The following KCNS2 variants were observed in gnomAD, a reference collection of about 807,000 sequenced individuals.
The protein encoded by KCNS2 is delayed-rectifier potassium channel regulatory subunit KCNS2.
A neutral mutation model predicts 28.3 loss-of-function variants in KCNS2; 15 were observed. The ratio of observed to expected loss-of-function variants is 0.53; its 90% CI spans 0.35 to 0.82. KCNS2 has a LOEUF of 0.82. KCNS2 is among the 40% of genes least tolerant of loss of function. The pLI is 0.01. For missense variants in KCNS2, 501 were observed against 617.1 expected (o/e 0.81, Z 1.99); for synonymous variants, 254 against 256.7 (o/e 0.99, Z 0.10).
chr8:98,429,352 G>A lies in KCNS2; in HGVS notation c.1373G>A (p.Ser458Asn), dbSNP rs1211054710. ...YAHKVKSLMASLTNMSRSSPS... is the reference protein window; with the variant it reads ...YAHKVKSLMANLTNMSRSSPS... ...CATAAAGTTAAATCCCTTATGGCAA[G>A]CCTGACGAACATGAGCAGGAGCTCA... Residue 458 changes from serine to asparagine, a missense_variant, in exon 2 of 2, where the codon AGC becomes AAC. By Grantham distance (46) the Ser-to-Asn change is conservative. Transcript: ENST00000287042. 2 of 1,614,146 alleles carry A rather than the reference G, an allele frequency of 1.2e-6. No individual in the cohort carries two copies. Among genetic ancestry groups the A allele is most frequent in the Non-Finnish European group, 1.7e-6 (2 of 1,180,006 alleles).
chr8:98,427,660 GTCA>G (rs1021905918), intron 1 of KCNS2: 1 of 229,928 alleles, frequency 4.3e-6, no homozygotes, highest in African/African-American at 2.3e-5. Context: ...CATGGACAAG[GTCA>G]GCATGCAGCC....
rs902048317 is a variant in KCNS2, at chr8:98,427,889, C to T, written c.-42-49C>T. 31 of 1,184,226 alleles carry T rather than the reference C, an allele frequency of 2.6e-5. 1 individual carries two copies. In the East Asian group the frequency reaches 7.5e-4, roughly 29 times the overall value. The allele number at this position is 1,184,226 out of a possible 1,614,324, so 73.4% of individuals were successfully genotyped here. ...CAGTAATGGGTAGGGAGAGGGGGCC[C>T]CGCCAGGGCGCACGGCGCTCTCGCC... On this transcript the variant is annotated intron_variant, in intron 1 of 1. Transcript: ENST00000287042.
chr8:98,429,442 C>A lies in KCNS2; in HGVS notation c.*29C>A. The A allele has an allele frequency of 6.7e-7, 1 of 1,495,316 alleles. No individual in the cohort carries two copies. The allele number at this position is 1,495,316 out of a possible 1,614,324, so 92.6% of individuals were successfully genotyped here. A position where few individuals can be genotyped will look rare whatever the true frequency, so the allele number is the denominator to read the frequency against. ...GGAGGACTTGTCACCCTCCACCCCA[C>A]ATTGCTGAGCTGCCTCTTGTGCCTC... On this transcript the variant is annotated 3_prime_UTR_variant, in exon 2 of 2. Coordinates refer to ENST00000287042, the MANE Select transcript of KCNS2 (RefSeq NM_020697.4).
Position 98,428,949 on chromosome 8 carries a change from T to A in KCNS2, c.970T>A (p.Tyr324Asn). 1 of 1,614,096 alleles carries A rather than the reference T, an allele frequency of 6.2e-7. No homozygotes were observed. Among genetic ancestry groups the A allele is most frequent in the Non-Finnish European group, 8.5e-7 (1 of 1,180,014 alleles). Residue 324 changes from tyrosine (Y) to asparagine (N), a missense_variant, in exon 2 of 2, where the codon TAC becomes AAC. Physicochemically the swap from Tyr to Asn is moderately radical, Grantham distance 143 (BLOSUM62 -2). Coordinates refer to ENST00000287042, the MANE Select transcript of KCNS2 (RefSeq NM_020697.4). The surrounding 1 kb of genome is among the most constrained non-coding windows in gnomAD (Gnocchi z 6.7). ...GLRSLGATLK[Y>N]SYKEVGLLLL... ...CCGCTCCCTGGGGGCCACTTTGAAA[T>A]ACAGCTACAAAGAAGTAGGGCTGCT...
rs1008538026 is a variant in KCNS2, at chr8:98,431,194, T to C, written c.*1781T>C. On this transcript the variant is annotated 3_prime_UTR_variant, in exon 2 of 2. Transcript: ENST00000287042. ...GTGGCAAGGATCTTATCAGAAGGCT[T>C]TGTGTTCTTGTAGTTGTCATGGCTA... is the stretch of plus-strand genomic sequence containing the variant. 16 of 167,090 alleles carry C rather than the reference T, an allele frequency of 9.6e-5. No individual in the cohort carries two copies. Among genetic ancestry groups the C allele is most frequent in the Admixed American group, 3.3e-4 (5 of 15,286 alleles). 10.4% of individuals were successfully genotyped at this position (167,090 alleles called of 1,614,324 possible). A position where few individuals can be genotyped will look rare whatever the true frequency, so the allele number is the denominator to read the frequency against.
Position 98,429,005 on chromosome 8 carries a change from C to T in KCNS2, c.1026C>T (p.Ile342=), listed in dbSNP as rs754681380. ...TCTACCTCTCCGTGGGGATTTCCAT[C>T]TTCTCCGTGGTGGCCTACACCATTG... ...LLLYLSVGIS[I]FSVVAYTIEK... Residue 342 remains isoleucine, a synonymous_variant, in exon 2 of 2, where the codon ATC becomes ATT. Transcript: ENST00000287042. 1.9e-6 allele frequency: 3 copies of T among 1,614,148 alleles called. No homozygotes were observed. Among genetic ancestry groups the T allele is most frequent in the South Asian group, 1.1e-5 (1 of 91,070 alleles).
chr8:98,429,111 G>A lies in KCNS2; in HGVS notation c.1132G>A (p.Gly378Arg), dbSNP rs374343304. The change falls in exon 2 of 2, where the codon GGG becomes AGG. Residue 378 changes from glycine to arginine, a missense_variant. Transcript: ENST00000287042. Reference sequence around the variant, plus strand: ...CGTCAGTATGACCACAGTGGGGTACGGGGATGTGGTCCCAGGGACCACGGC... The same window carrying A: ...CGTCAGTATGACCACAGTGGGGTACAGGGATGTGGTCCCAGGGACCACGGC... Reference protein sequence around the residue: ...ATVSMTTVGYGDVVPGTTAGK... With the variant: ...ATVSMTTVGYRDVVPGTTAGK... 9 of 1,613,342 alleles carry A rather than the reference G, an allele frequency of 5.6e-6. No homozygotes were observed. Among genetic ancestry groups the A allele is most frequent in the African/African-American group, 1.3e-5 (1 of 74,894 alleles).
In KCNS2 at chr8:98,428,987, C is replaced by G. The variant is rs750393740; in HGVS notation, c.1008C>G (p.Leu336=). 5.6e-6 allele frequency: 9 copies of G among 1,614,058 alleles called. No individual in the cohort carries two copies. The African/African-American group carries it at 1.2e-4, about 22-fold the overall frequency. The change falls in exon 2 of 2, where the codon CTC becomes CTG. Residue 336 remains leucine, a synonymous_variant. Transcript: ENST00000287042. The surrounding 1 kb of genome is among the most constrained non-coding windows in gnomAD (Gnocchi z 6.7). The stretch of plus-strand genomic sequence containing the variant: ...AAGTAGGGCTGCTCTTGCTCTACCT[C>G]TCCGTGGGGATTTCCATCTTCTCCG... The part of the protein sequence containing the change: ...YKEVGLLLLY[L]SVGISIFSVV...
rs1038567245 is a variant in KCNS2 at position 98,428,858 on chromosome 8, G to A, written c.879G>A (p.Val293=). 6.8e-6 allele frequency: 11 copies of A among 1,614,084 alleles called. No individual in the cohort carries two copies. The highest frequency in any genetic ancestry group is 6.7e-5 in the Admixed American group (4 of 60,008). The change falls in exon 2 of 2, where the codon GTG becomes GTA. Residue 293 remains valine (V), a synonymous_variant. Coordinates refer to ENST00000287042, the MANE Select transcript of KCNS2 (RefSeq NM_020697.4). This position sits in a 1 kb window ranked among gnomAD's most constrained non-coding sequence, Gnocchi z 6.7. The part of the protein sequence containing the change: ...STPTLANLGR[V]AQVLRLMRIF... The stretch of plus-strand genomic sequence containing the variant: ...CTACTTTAGCCAACTTGGGCAGGGT[G>A]GCCCAGGTCCTGAGGCTGATGCGGA...
rs939385833 is a variant in KCNS2 at position 98,430,912 on chromosome 8, C to G, written c.*1499C>G. ...CCTCCTCCAAAATGCTCCTGCTCCT[C>G]TTGTTCGGTTAACCAGCACATAACA... On this transcript the variant is annotated 3_prime_UTR_variant, in exon 2 of 2. Coordinates refer to ENST00000287042, the MANE Select transcript of KCNS2 (RefSeq NM_020697.4). The G allele has an allele frequency of 6.0e-6, 1 of 167,148 alleles. No individual in the cohort carries two copies. The highest frequency in any genetic ancestry group is 1.5e-5 in the Non-Finnish European group (1 of 68,134). The allele number at this position is 167,148 out of a possible 1,614,324, so 10.4% of individuals were successfully genotyped here.
chr8:98,428,282 C>G lies in KCNS2; in HGVS notation c.303C>G (p.Phe101Leu), dbSNP rs1563599710. ...HVMAELCVFS[F>L]SQEIEYWGIN... is the part of the protein sequence containing the mutation. ...TGGCTGAGCTATGTGTCTTCTCCTT[C>G]AGCCAGGAGATCGAGTACTGGGGCA... is the stretch of plus-strand genomic sequence containing the variant. Residue 101 changes from phenylalanine (F) to leucine (L), a missense_variant, in exon 2 of 2, where the codon TTC (phenylalanine) becomes TTG (leucine). Physicochemically the swap from Phe to Leu is conservative, Grantham distance 22. Coordinates refer to ENST00000287042, the MANE Select transcript of KCNS2 (RefSeq NM_020697.4). The surrounding 1 kb of genome is among the most constrained non-coding windows in gnomAD (Gnocchi z 6.7). The G allele has an allele frequency of 3.1e-6, 5 of 1,614,016 alleles. No individual in the cohort carries two copies. The highest frequency in any genetic ancestry group is 4.2e-6 in the Non-Finnish European group (5 of 1,180,040).
In KCNS2 at chr8:98,430,414, C is replaced by T. The variant is rs79809243; in HGVS notation, c.*1001C>T. 2.7e-3 allele frequency: 447 copies of T among 167,186 alleles called. 4 individuals are homozygous for T. Among genetic ancestry groups the T allele is most frequent in the Non-Finnish European group, 5.1e-3 (344 of 68,114 alleles). 10.4% of individuals were successfully genotyped at this position (167,186 alleles called of 1,614,324 possible). On this transcript the variant is annotated 3_prime_UTR_variant, in exon 2 of 2. Coordinates refer to ENST00000287042, the MANE Select transcript of KCNS2 (RefSeq NM_020697.4). ...TCTTCCTCAACTAAAAAGAAGTTTACTGTTGTATCGTCTCCCTGAGGTGAA... is the reference window on the plus strand; with the variant it reads ...TCTTCCTCAACTAAAAAGAAGTTTATTGTTGTATCGTCTCCCTGAGGTGAA...
chr8:98,428,384 G>C lies in KCNS2; in HGVS notation c.405G>C (p.Trp135Cys). ...GRKVEPEQEK[W>C]DEQSDQESTT... ...AAGTAGAGCCCGAGCAGGAGAAGTG[G>C]GACGAGCAGAGTGACCAGGAGAGCA... Residue 135 changes from tryptophan (W) to cysteine (C), a missense_variant, in exon 2 of 2, where the codon TGG (tryptophan) becomes TGC (cysteine). Transcript: ENST00000287042. The surrounding 1 kb of genome is among the most constrained non-coding windows in gnomAD (Gnocchi z 6.7). 1 of 1,614,170 alleles carries C rather than the reference G, an allele frequency of 6.2e-7. No individual in the cohort carries two copies.
chr8:98,431,803 G>T lies in KCNS2; in HGVS notation c.*2390G>T, dbSNP rs1327294886. 1 of 167,030 alleles carries T rather than the reference G, an allele frequency of 6.0e-6. No individual in the cohort carries two copies. The highest frequency in any genetic ancestry group is 2.4e-5 in the African/African-American group (1 of 41,432). The allele number at this position is 167,030 out of a possible 1,614,324, so 10.3% of individuals were successfully genotyped here. On this transcript the variant is annotated 3_prime_UTR_variant, in exon 2 of 2. Coordinates refer to ENST00000287042, the MANE Select transcript of KCNS2 (RefSeq NM_020697.4). ...ATTTATCTGGTGCCTTTCGTTGGAGGAATCCCAACGTGCTTTAGAGACTAT... is the reference window on the plus strand; with the variant it reads ...ATTTATCTGGTGCCTTTCGTTGGAGTAATCCCAACGTGCTTTAGAGACTAT...
Position 98,430,793 on chromosome 8 carries a change from T to A in KCNS2, c.*1380T>A, listed in dbSNP as rs987780235. 3.0e-5 allele frequency: 5 copies of A among 167,056 alleles called. No homozygotes were observed. In the Admixed American group the frequency reaches 3.3e-4, roughly 11 times the overall value. The allele number at this position is 167,056 out of a possible 1,614,324, so 10.3% of individuals were successfully genotyped here. On this transcript the variant is annotated 3_prime_UTR_variant, in exon 2 of 2. Coordinates refer to ENST00000287042, the MANE Select transcript of KCNS2 (RefSeq NM_020697.4). ...TGTAAAATAAAAAACTGCTAGTTCA[T>A]AAAATGTCATAAAAAATTGTAAACT...
At position 98,427,221 on chromosome 8, in the gene KCNS2, C is replaced by T. The variant is rs1305670921; in HGVS notation, c.-151C>T. 1.3e-5 allele frequency: 2 copies of T among 150,828 alleles called. No homozygotes were observed. Among genetic ancestry groups the T allele is most frequent in the Non-Finnish European group, 3.0e-5 (2 of 67,572 alleles). The allele number at this position is 150,828 out of a possible 1,614,324, so 9.3% of individuals were successfully genotyped here. A position where few individuals can be genotyped will look rare whatever the true frequency, so the allele number is the denominator to read the frequency against. ...CCCGCCGGCCCGCCGGGCGCACACA[C>T]TCGCACCCGCGCACGCACCGCCAGC... On this transcript the variant is annotated 5_prime_UTR_variant, in exon 1 of 2. Transcript: ENST00000287042.
In KCNS2 at chr8:98,431,371, A is replaced by G. The variant is rs1285113037; in HGVS notation, c.*1958A>G. 6.0e-6 allele frequency: 1 copy of G among 167,094 alleles called. No individual in the cohort carries two copies. Among genetic ancestry groups the G allele is most frequent in the Admixed American group, 6.5e-5 (1 of 15,286 alleles). The allele number at this position is 167,094 out of a possible 1,614,324, so 10.4% of individuals were successfully genotyped here. On this transcript the variant is annotated 3_prime_UTR_variant, in exon 2 of 2. Coordinates refer to ENST00000287042, the MANE Select transcript of KCNS2 (RefSeq NM_020697.4). ...ATCCGTGTCTCTGAAGCATCAGGAA[A>G]AGTGAGATGACTTAGAGGCAACTGG...
Position 98,428,288 on chromosome 8 carries a change from G to A in KCNS2, c.309G>A (p.Gln103=). The change falls in exon 2 of 2, where the codon CAG becomes CAA. Residue 103 remains glutamine, a synonymous_variant. Transcript: ENST00000287042. The surrounding 1 kb of genome is among the most constrained non-coding windows in gnomAD (Gnocchi z 6.7). The stretch of plus-strand genomic sequence containing the variant: ...AGCTATGTGTCTTCTCCTTCAGCCA[G>A]GAGATCGAGTACTGGGGCATCAACG... The part of the protein sequence containing the change: ...MAELCVFSFS[Q]EIEYWGINEF... The A allele has an allele frequency of 6.2e-7, 1 of 1,614,158 alleles. No individual in the cohort carries two copies. The highest frequency in any genetic ancestry group is 8.5e-7 in the Non-Finnish European group (1 of 1,180,034).
Position 98,430,593 on chromosome 8 carries a change from C to T in KCNS2, c.*1180C>T, listed in dbSNP as rs1334757965. The T allele has an allele frequency of 1.2e-5, 2 of 166,878 alleles. No homozygotes were observed. The highest frequency in any genetic ancestry group is 2.9e-5 in the Non-Finnish European group (2 of 68,110). 10.3% of individuals were successfully genotyped at this position (166,878 alleles called of 1,614,324 possible). A position where few individuals can be genotyped will look rare whatever the true frequency, so the allele number is the denominator to read the frequency against. On this transcript the variant is annotated 3_prime_UTR_variant, in exon 2 of 2. Transcript: ENST00000287042. ...ATGTTGTATATGATGCTGTGATTGC[C>T]CTGGAGTTCCTGCCATGACATGGAA...
Sources: gnomAD v4.1 joint callset for allele counts on GRCh38, gnomAD v4.1.1 for gene constraint, Gnocchi (gnomAD v3.1) non-coding constraint, MANE v1.5 for transcripts, NCBI Gene and HGNC (gene_info 2026-07-23, HGNC 2026-07-21) for gene names.